The following DLEU7 variants were observed in gnomAD, a reference collection of about 807,000 sequenced individuals.
DLEU7 encodes leukemia-associated protein 7.
In DLEU7, 17 loss-of-function variants were observed where a neutral mutation model predicts 16.0. That is an observed-to-expected ratio of 1.06 (90% CI 0.73 to 1.59). The LOEUF (loss-of-function observed/expected upper bound fraction) is 1.59, where lower values mean the gene tolerates loss of function less well. Among genes scored for constraint, DLEU7 ranks in the 40% most tolerant of loss-of-function variants. The pLI is 0.00. For synonymous variants in DLEU7, 113 were observed against 139.8 expected (o/e 0.81, Z 1.35); for missense variants, 308 against 314.9 (o/e 0.98, Z 0.17).
At chr13:50,752,547 G>T (rs533622641) in intron 1 of DLEU7, among the ~76,000 whole-genome samples, 1 of 152,194 alleles carries the variant, frequency 6.6e-6, no homozygotes, top group East Asian at 1.9e-4. Context: ...TCCAGAGTTT[G>T]TTCCTTCTGA....
chr13:50,794,280 T>C (rs551534418), intron 1 of DLEU7, among the ~76,000 whole-genome samples: 2 of 149,214 alleles, frequency 1.3e-5, no homozygotes, highest in East Asian at 3.9e-4. Flanking sequence ...TTTACATTTT[T>C]AAAAAAGTTG....
intron 1 of DLEU7, among the ~76,000 whole-genome samples, chr13:50,842,488 C>T (rs1382418093): frequency 6.6e-6 from 1 of 152,220 alleles, no homozygotes; most frequent in Non-Finnish European, 1.5e-5. Flanking sequence ...GCCTGGGAGA[C>T]AGCTGCTCCC....
chr13:50,809,980 C>T (rs899259140), intron 1 of DLEU7, among the ~76,000 whole-genome samples: 3 of 151,350 alleles, frequency 2.0e-5, no homozygotes, highest in African/African-American at 7.3e-5. Flanking sequence ...GGGACAAGAA[C>T]AGATCAACAA....
At position 50,823,337 on chromosome 13, in the gene DLEU7, A is replaced by T; in HGVS notation, c.643T>A (p.Leu215Ile). ...ACTCATATGTCTGGGAGATTCTGTAAGATCTGTCTCAAGGAAGCACAGGCT... is the reference window on the plus strand; with the variant it reads ...ACTCATATGTCTGGGAGATTCTGTATGATCTGTCTCAAGGAAGCACAGGCT... ...MVACASLRQI[L>I]QNLPDI The change falls in exon 2 of 2, where the codon TTA (leucine) becomes ATA (isoleucine). Residue 215 changes from leucine to isoleucine, a missense_variant. Physicochemically the swap from Leu to Ile is conservative, Grantham distance 5 (BLOSUM62 2). Coordinates refer to ENST00000504404, the MANE Select transcript of DLEU7 (RefSeq NM_001306135.2). 6.5e-7 allele frequency: 1 copy of T among 1,535,760 alleles called. No homozygotes were observed. The highest frequency in any genetic ancestry group is 8.7e-7 in the Non-Finnish European group (1 of 1,146,600).
intron 1 of DLEU7, among the ~76,000 whole-genome samples, chr13:50,753,790 C>T (rs994120981): frequency 1.3e-4 from 20 of 152,338 alleles, no homozygotes; most frequent in Admixed American, 7.8e-4. Flanking sequence ...CCTCAAGTGC[C>T]GCCAAAGTGG....
chr13:50,713,104 G>T, exon 2 of DLEU7: 1 of 1,266,004 alleles, frequency 7.9e-7, no homozygotes, highest in Non-Finnish European at 1.1e-6. Context: ...CAACAACGTG[G>T]TAATAAGAAG....
chr13:50,820,881 C>T (rs1051487713), downstream of DLEU7, among the ~76,000 whole-genome samples: 1 of 152,016 alleles, frequency 6.6e-6, no homozygotes, highest in Non-Finnish European at 1.5e-5. Context: ...CATTTCAACA[C>T]GTAATCAGTA....
intron 1 of DLEU7, among the ~76,000 whole-genome samples, chr13:50,759,289 T>C (rs1363147343): frequency 6.6e-6 from 1 of 152,230 alleles, no homozygotes; most frequent in Non-Finnish European, 1.5e-5. Flanking sequence ...ACTAGCTGTA[T>C]GGCTTCAGTA....
chr13:50,789,273 A>G (rs1851880525), intron 1 of DLEU7, among the ~76,000 whole-genome samples: 2 of 150,852 alleles, frequency 1.3e-5, no homozygotes, highest in Non-Finnish European at 2.9e-5. Flanking sequence ...CCGAGTTCTT[A>G]TGTTGGTTCT....
chr13:50,718,421 T>C (rs1043223705), intron 1 of DLEU7, among the ~76,000 whole-genome samples: 3 of 152,154 alleles, frequency 2.0e-5, no homozygotes, highest in African/African-American at 7.2e-5. Flanking sequence ...GAACGTGAAG[T>C]CCTGTGAAGA....
At chr13:50,829,713 A>T (rs1224525678) in intron 1 of DLEU7, among the ~76,000 whole-genome samples, 3 of 152,198 alleles carry the variant, frequency 2.0e-5, no homozygotes. Flanking sequence ...CAAATATATT[A>T]GCAAAGAAAA....
chr13:50,778,953 C>G (rs1270638491), intron 1 of DLEU7, among the ~76,000 whole-genome samples: 2 of 152,202 alleles, frequency 1.3e-5, no homozygotes, highest in African/African-American at 4.8e-5. Flanking sequence ...GTATAAATCT[C>G]TAGCCTCTTG....
chr13:50,747,512 TCTCCCTCAC>T (rs1291823031), intron 1 of DLEU7, among the ~76,000 whole-genome samples: 1 of 151,986 alleles, frequency 6.6e-6, no homozygotes, highest in Non-Finnish European at 1.5e-5. Context: ...AGATGCTCTC[TCTCCCTCAC>T]CTCCTTTCAT....
At chr13:50,837,917 G>A (rs938492804) in intron 1 of DLEU7, among the ~76,000 whole-genome samples, 3 of 152,230 alleles carry the variant, frequency 2.0e-5, no homozygotes, top group African/African-American at 7.2e-5. Context: ...GGAAGGGAAG[G>A]ATGCGAACTC....
intron 1 of DLEU7, chr13:50,808,650 G>C (rs1876469158): frequency 6.6e-6 from 1 of 152,100 alleles, no homozygotes; most frequent in African/African-American, 2.4e-5. Flanking sequence ...CTGCTGTTGA[G>C]TAGATGAGGG....
At chr13:50,718,577 G>C (rs953278758) in intron 1 of DLEU7, among the ~76,000 whole-genome samples, 2 of 152,140 alleles carry the variant, frequency 1.3e-5, no homozygotes, top group African/African-American at 4.8e-5. Context: ...CATGTTTTCT[G>C]AATCAGTCAT....
intron 1 of DLEU7, among the ~76,000 whole-genome samples, chr13:50,842,283 T>C (rs1450209924): frequency 6.6e-6 from 1 of 152,138 alleles, no homozygotes; most frequent in East Asian, 1.9e-4. Context: ...TTGAGACATA[T>C]TCTAAGCTCT....
intron 1 of DLEU7, among the ~76,000 whole-genome samples, chr13:50,739,290 T>C (rs966826359): frequency 1.1e-4 from 16 of 152,184 alleles, no homozygotes; most frequent in African/African-American, 2.4e-4. Flanking sequence ...GTAAATTTCA[T>C]TGTGGTCCAG....
At chr13:50,768,348 C>T (rs1256493423) in intron 1 of DLEU7, among the ~76,000 whole-genome samples, 1 of 151,620 alleles carries the variant, frequency 6.6e-6, no homozygotes, top group African/African-American at 2.4e-5. Flanking sequence ...AGGTTTGTTA[C>T]ATAGGTATAC....
Sources: allele counts gnomAD v4.1 joint callset (sites outside exome capture counted in the v4.1 genomes callset), GRCh38; gene constraint gnomAD v4.1.1; transcripts MANE v1.5; gene names NCBI Gene and HGNC (gene_info 2026-07-23, HGNC 2026-07-21).